The following COPS9 variants were observed in gnomAD, a reference collection of about 807,000 sequenced individuals.
COPS9 encodes the protein COP9 signalosome subunit 9.
In COPS9, 8 loss-of-function variants were observed where a neutral mutation model predicts 7.2. The observed-to-expected ratio is 1.11, with a 90% CI of 0.65 to 2.00. The LOEUF (loss-of-function observed/expected upper bound fraction) is 2.00. Ranked by LOEUF, COPS9 falls within the 30% of genes most tolerant of loss-of-function variation. The pLI is 0.00. For missense variants in COPS9, 74 were observed against 77.7 expected (o/e 0.95, Z 0.18); for synonymous variants, 39 against 28.7 (o/e 1.36, Z -1.14).
At position 240,130,933 on chromosome 2, in the gene COPS9, A is replaced by G. The variant is rs1299703875; in HGVS notation, c.*118T>C. 3.3e-6 allele frequency: 5 copies of G among 1,497,672 alleles called. No individual in the cohort carries two copies. The Admixed American group carries it at 9.8e-5, about 29-fold the overall frequency. The allele number at this position is 1,497,672 out of a possible 1,614,324, so 92.8% of individuals were successfully genotyped here. A position where few individuals can be genotyped will look rare whatever the true frequency, so the allele number is the denominator to read the frequency against. ...AACAGTCTTATCTTTCTGGTTAACC[A>G]GGTCCTAAATTCAAGGGATTTCCAC... On this transcript the variant is annotated 3_prime_UTR_variant, in exon 3 of 3. Coordinates refer to ENST00000607357, the MANE Select transcript of COPS9 (RefSeq NM_001163424.2).
intron 1 of COPS9, chr2:240,135,943 C>CG: frequency 2.1e-6 from 1 of 486,380 alleles, no homozygotes; most frequent in Non-Finnish European, 3.5e-6. Context: ...GGTGTGTTCC[C>CG]GGGGGCCGTG....
At chr2:240,126,799 C>G (rs766198638), downstream of COPS9, 4 of 1,614,086 alleles carry the variant, frequency 2.5e-6, no homozygotes, top group South Asian at 4.4e-5. Flanking sequence ...CCCATTTTCC[C>G]CTCACTTGTT....
At position 240,132,233 on chromosome 2, in the gene COPS9, T is replaced by C. The variant is rs961581018; in HGVS notation, c.137-1145A>G. On this transcript the variant is annotated intron_variant, in intron 2 of 2. Transcript: ENST00000607357. The surrounding 1 kb of genome is among the most constrained non-coding windows in gnomAD (Gnocchi z 4.1). ...TCTGGACCCACAATTTTGTAAGACA[T>C]GGCGAGGGAAGAGAGAGTGTCTCTT... Among the ~76,000 whole-genome samples, 1 of 152,182 alleles carries C rather than the reference T, an allele frequency of 6.6e-6. No homozygotes were observed. The highest frequency in any genetic ancestry group is 2.4e-5 in the African/African-American group (1 of 41,444).
chr2:240,130,811 A>G (rs189753489), downstream of COPS9: 30 of 1,385,316 alleles, frequency 2.2e-5, no homozygotes, highest in East Asian at 7.4e-4. Flanking sequence ...AGTGCAAGAA[A>G]GAGATCACTC....
intron 1 of COPS9, among the ~76,000 whole-genome samples, chr2:240,134,529 C>T (rs1292875638): frequency 6.6e-6 from 1 of 152,172 alleles, no homozygotes; most frequent in Non-Finnish European, 1.5e-5. Context: ...CCAAGCTGGG[C>T]AATCTGAAGC....
downstream of COPS9, chr2:240,126,722 C>A (rs1009430108): frequency 6.2e-7 from 1 of 1,614,234 alleles, no homozygotes; most frequent in Non-Finnish European, 8.5e-7. Context: ...TGGTTCTGAG[C>A]ACCTCTAGAT....
downstream of COPS9, among the ~76,000 whole-genome samples, chr2:240,127,296 C>T (rs78462535): frequency 7.1e-3 from 1,064 of 150,810 alleles, 16 homozygotes; most frequent in African/African-American, 0.025. Flanking sequence ...AGCTCAGGCA[C>T]AGGGAAATTC....
chr2:240,130,091 C>A, downstream of COPS9: 1 of 1,352,988 alleles, frequency 7.4e-7, no homozygotes, highest in Admixed American at 2.0e-5. Flanking sequence ...ACTCACCACT[C>A]ATGAGAAAAA....
At chr2:240,134,907 C>G (rs932541755) in intron 1 of COPS9, among the ~76,000 whole-genome samples, 1 of 152,098 alleles carries the variant, frequency 6.6e-6, no homozygotes, top group African/African-American at 2.4e-5. Flanking sequence ...CCCTCTCACC[C>G]GTAAATGCTG....
At position 240,134,014 on chromosome 2, in the gene COPS9, T is replaced by C. The variant is rs1012373996; in HGVS notation, c.64-9A>G. 6.2e-7 allele frequency: 1 copy of C among 1,614,054 alleles called. No individual in the cohort carries two copies. The highest frequency in any genetic ancestry group is 8.5e-7 in the Non-Finnish European group (1 of 1,179,980). Reference sequence around the variant, plus strand: ...CCGGTGCTGCCTCCCGCCTGGGGAATGGAAAGGCAAGGTTATGTCAGGTGC... The same window carrying C: ...CCGGTGCTGCCTCCCGCCTGGGGAACGGAAAGGCAAGGTTATGTCAGGTGC... On this transcript the variant is annotated splice_polypyrimidine_tract_variant and intron_variant, in intron 1 of 2. Transcript: ENST00000607357.
At chr2:240,127,109 G>A (rs1001663020), downstream of COPS9, among the ~76,000 whole-genome samples, 1 of 152,180 alleles carries the variant, frequency 6.6e-6, no homozygotes, top group Non-Finnish European at 1.5e-5. Context: ...AGGACACAGG[G>A]TTCCTGGGAC....
At position 240,130,935 on chromosome 2, in the gene COPS9, G is replaced by A. The variant is rs2071915589; in HGVS notation, c.*116C>T. On this transcript the variant is annotated 3_prime_UTR_variant, in exon 3 of 3. Transcript: ENST00000607357. Reference sequence around the variant, plus strand: ...CAGTCTTATCTTTCTGGTTAACCAGGTCCTAAATTCAAGGGATTTCCACGT... The same window carrying A: ...CAGTCTTATCTTTCTGGTTAACCAGATCCTAAATTCAAGGGATTTCCACGT... 2 of 1,501,748 alleles carry A rather than the reference G, an allele frequency of 1.3e-6. No homozygotes were observed. Among genetic ancestry groups the A allele is most frequent in the Non-Finnish European group, 1.8e-6 (2 of 1,124,984 alleles). The allele number at this position is 1,501,748 out of a possible 1,614,324, so 93.0% of individuals were successfully genotyped here.
intron 1 of COPS9, among the ~76,000 whole-genome samples, chr2:240,134,892 T>A (rs2071959494): frequency 6.6e-6 from 1 of 152,258 alleles, no homozygotes; most frequent in African/African-American, 2.4e-5. Context: ...GCTCTCATTT[T>A]TCTACCCTCT....
downstream of COPS9, chr2:240,130,064 T>C (rs776188379): frequency 6.4e-7 from 1 of 1,558,154 alleles, no homozygotes; most frequent in Non-Finnish European, 8.8e-7. Context: ...TCCATCAGGA[T>C]GACAGGGTGG....
chr2:240,134,627 G>A (rs915481137), intron 1 of COPS9, among the ~76,000 whole-genome samples: 22 of 152,178 alleles, frequency 1.4e-4, no homozygotes, highest in African/African-American at 5.3e-4. Context: ...GCTGGCCACA[G>A]GTCCTGCTGC....
downstream of COPS9, among the ~76,000 whole-genome samples, chr2:240,130,516 G>C (rs747916971): frequency 6.6e-6 from 1 of 152,206 alleles, no homozygotes; most frequent in African/African-American, 2.4e-5. Context: ...CTGCCCTGAC[G>C]TGGAGGCCAG....
chr2:240,133,837 G>T, intron 2 of COPS9, 96 bp downstream of exon 2: 2 of 1,263,072 alleles, frequency 1.6e-6, no homozygotes, highest in Non-Finnish European at 2.3e-6. Flanking sequence ...ACCACCTTAT[G>T]ATCCAAATTA....
At chr2:240,129,976 G>C (rs983720340), downstream of COPS9, 2 of 1,613,984 alleles carry the variant, frequency 1.2e-6, no homozygotes, top group Non-Finnish European at 1.7e-6. Flanking sequence ...TGCCCTCGCT[G>C]CAGTGCGGGA....
downstream of COPS9, chr2:240,130,787 A>G (rs2071914064): frequency 1.6e-5 from 22 of 1,364,374 alleles, no homozygotes; most frequent in Non-Finnish European, 2.1e-5. Flanking sequence ...TAGGGACTGC[A>G]ACATTCACTC....
Sources: allele counts gnomAD v4.1 joint callset (sites outside exome capture counted in the v4.1 genomes callset), GRCh38; gene constraint gnomAD v4.1.1; non-coding constraint Gnocchi (gnomAD v3.1); transcripts MANE v1.5; gene names NCBI Gene and HGNC (gene_info 2026-07-23, HGNC 2026-07-21).